USP49: variants seen among roughly 807,000 people sequenced by gnomAD.
The protein encoded by USP49 is ubiquitin specific peptidase 49.
Under a neutral mutation model 58.6 loss-of-function variants are expected in USP49, and 24 were observed. The ratio of observed to expected loss-of-function variants is 0.41; its 90% CI spans 0.30 to 0.58. The LOEUF (loss-of-function observed/expected upper bound fraction) is 0.58, where lower values mean the gene tolerates loss of function less well. USP49 is among the 20% of genes least tolerant of loss of function. The pLI is 0.30. For missense variants in USP49, 703 were observed against 866.1 expected, an observed-to-expected ratio of 0.81 and a Z score of 2.36; for synonymous variants, 408 against 365.1, an observed-to-expected ratio of 1.12 and a Z score of -1.34.
chr6:41,817,471 T>A (rs1423662796), intron 3 of USP49, among the ~76,000 whole-genome samples: 2 of 144,868 alleles, frequency 1.4e-5, no homozygotes, highest in Non-Finnish European at 3.0e-5. Context: ...TTTTTTTTTT[T>A]TTTTTTGAGA....
intron 2 of USP49, among the ~76,000 whole-genome samples, chr6:41,889,101 C>T (rs1044386113): frequency 2.1e-4 from 32 of 151,706 alleles, no homozygotes; most frequent in African/African-American, 6.5e-4. Flanking sequence ...GGCTTGATCT[C>T]GGCTCACTGC....
chr6:41,865,474 A>C (rs1582029432), intron 3 of USP49, among the ~76,000 whole-genome samples: 2 of 152,222 alleles, frequency 1.3e-5, no homozygotes, highest in East Asian at 3.9e-4. Flanking sequence ...AATTTGAAAA[A>C]TCCTAAACCA....
At chr6:41,887,664 G>C (rs953363712) in intron 2 of USP49, among the ~76,000 whole-genome samples, 10 of 152,190 alleles carry the variant, frequency 6.6e-5, no homozygotes, top group Non-Finnish European at 1.5e-4. Context: ...CTTCTGATGT[G>C]CTAACCAACA....
Position 41,803,997 on chromosome 6 carries a change from G to A in USP49, c.1370C>T (p.Ser457Leu). 6.2e-7 allele frequency: 1 copy of A among 1,613,964 alleles called. No individual in the cohort carries two copies. The highest frequency in any genetic ancestry group is 8.5e-7 in the Non-Finnish European group (1 of 1,179,954). ...AATGGTATTGGATTTGTAATTGCATGATATACATGTGACCTAGAATGAAAA... is the reference window on the plus strand; with the variant it reads ...AATGGTATTGGATTTGTAATTGCATAATATACATGTGACCTAGAATGAAAA... Reference protein sequence around the residue: ...GQLLSQVTCISCNYKSNTIEP... With the variant: ...GQLLSQVTCILCNYKSNTIEP... Residue 457 changes from serine (S) to leucine (L), a missense_variant, in exon 5 of 8, where the codon TCA (serine) becomes TTA (leucine). Ser to Leu is a moderately radical substitution (Grantham distance 145, BLOSUM62 -2). Coordinates refer to ENST00000682992, the MANE Select transcript of USP49 (RefSeq NM_001286554.2). This position sits in a 1 kb window ranked among gnomAD's most constrained non-coding sequence, Gnocchi z 4.1.
At chr6:41,858,356 T>C (rs1223082458) in intron 3 of USP49, among the ~76,000 whole-genome samples, 3 of 152,364 alleles carry the variant, frequency 2.0e-5, no homozygotes, top group South Asian at 2.1e-4. Context: ...GTTCATGTTA[T>C]GAGAGCACTG....
chr6:41,796,393 A>G lies in USP49; in HGVS notation c.*140T>C. The G allele has an allele frequency of 1.8e-6, 1 of 558,218 alleles. No individual in the cohort carries two copies. The allele number at this position is 558,218 out of a possible 1,614,324, so 34.6% of individuals were successfully genotyped here. ...GAGACTATAAAATTTACGACAGGACACGAATCACCTGGCACCTTCTACTCT... is the reference window on the plus strand; with the variant it reads ...GAGACTATAAAATTTACGACAGGACGCGAATCACCTGGCACCTTCTACTCT... On this transcript the variant is annotated 3_prime_UTR_variant, in exon 8 of 8. Transcript: ENST00000682992.
Position 41,790,428 on chromosome 6 carries a change from G to A in USP49, c.*6105C>T, listed in dbSNP as rs2127311732. On this transcript the variant is annotated 3_prime_UTR_variant, in exon 8 of 8. Coordinates refer to ENST00000682992, the MANE Select transcript of USP49 (RefSeq NM_001286554.2). ...TTGGAAATGGAGTATGTACGGAACTGGCATGTATAGACTTATATAGCCATA... is the reference window on the plus strand; with the variant it reads ...TTGGAAATGGAGTATGTACGGAACTAGCATGTATAGACTTATATAGCCATA... 6.6e-6 allele frequency: 1 copy of A among 152,264 alleles called. No homozygotes were observed. The allele number at this position is 152,264 out of a possible 1,614,324, so 9.4% of individuals were successfully genotyped here. A position where few individuals can be genotyped will look rare whatever the true frequency, so the allele number is the denominator to read the frequency against.
At chr6:41,848,911 C>A (rs1773971663) in intron 3 of USP49, among the ~76,000 whole-genome samples, 1 of 151,698 alleles carries the variant, frequency 6.6e-6, no homozygotes, top group Non-Finnish European at 1.5e-5. Context: ...GTTGCCCAGG[C>A]TGGTTTCTAA....
chr6:41,812,330 C>T (rs896923743), intron 3 of USP49, among the ~76,000 whole-genome samples: 1 of 151,284 alleles, frequency 6.6e-6, no homozygotes, highest in Non-Finnish European at 1.5e-5. Flanking sequence ...CCGCCTACCT[C>T]GGCCTCCCAA....
rs957458433 is a variant in USP49 at position 41,803,086 on chromosome 6, C to T, written c.1561+720G>A. Among the ~76,000 whole-genome samples, 1 of 152,142 alleles carries T rather than the reference C, an allele frequency of 6.6e-6. No homozygotes were observed. The highest frequency in any genetic ancestry group is 1.5e-5 in the Non-Finnish European group (1 of 68,038). On this transcript the variant is annotated intron_variant, in intron 5 of 7. Coordinates refer to ENST00000682992, the MANE Select transcript of USP49 (RefSeq NM_001286554.2). The surrounding 1 kb of genome is among the most constrained non-coding windows in gnomAD (Gnocchi z 4.1). ...AAAAGCTTGCTTTTCTGATATCGCA[C>T]CCTTCAGAAAGGCTATACCATCTGG...
At chr6:41,800,091 C>G (rs1182320733) in intron 5 of USP49, among the ~76,000 whole-genome samples, 153 bp from the exon 6 acceptor site, 1 of 152,132 alleles carries the variant, frequency 6.6e-6, no homozygotes, top group Non-Finnish European at 1.5e-5. Flanking sequence ...CTCTTTATGA[C>G]TGCATTTCCC....
At chr6:41,871,479 T>A (rs919227711) in intron 3 of USP49, 85 bp downstream of exon 3, 1 of 152,188 alleles carries the variant, frequency 6.6e-6, no homozygotes, top group Non-Finnish European at 1.5e-5. Context: ...ATTACCCTCA[T>A]AGTATGCCAA....
At chr6:41,797,108 C>T (rs772190790) in intron 7 of USP49, among the ~76,000 whole-genome samples, 18 of 152,002 alleles carry the variant, frequency 1.2e-4, no homozygotes, top group Admixed American at 2.0e-4. Context: ...CTACAGGTGC[C>T]CACCACCACG....
chr6:41,895,364 AC>A lies in USP49; in HGVS notation c.-226del, dbSNP rs1465976233. 1.4e-5 allele frequency: 2 copies of A among 143,308 alleles called. No homozygotes were observed. The highest frequency in any genetic ancestry group is 5.2e-5 in the African/African-American group (2 of 38,260). 8.9% of individuals were successfully genotyped at this position (143,308 alleles called of 1,614,324 possible). On this transcript the variant is annotated 5_prime_UTR_variant, in exon 1 of 8. Transcript: ENST00000682992. ...GCGCGAGCTGTCACCAGGGCGCGAG[AC>A]AACCGAACACGGCCCCGCCCCCTGC...
At chr6:41,832,058 A>G (rs147757219) in intron 3 of USP49, among the ~76,000 whole-genome samples, 116 of 151,852 alleles carry the variant, frequency 7.6e-4, no homozygotes, top group Non-Finnish European at 1.3e-3. Flanking sequence ...ACAGTCCTCA[A>G]TTGTTTTATC....
intron 3 of USP49, among the ~76,000 whole-genome samples, chr6:41,842,313 C>T (rs1386295018): frequency 6.6e-6 from 1 of 151,786 alleles, no homozygotes; most frequent in African/African-American, 2.4e-5. Flanking sequence ...GTGGAGGTTG[C>T]AGTGAGCCGA....
intron 3 of USP49, among the ~76,000 whole-genome samples, chr6:41,865,040 T>C (rs1774286116): frequency 6.6e-6 from 1 of 152,052 alleles, no homozygotes; most frequent in Non-Finnish European, 1.5e-5. Flanking sequence ...TTTTTATTTT[T>C]ATTTATTTAT....
rs1164694958 is a variant in USP49 at position 41,791,712 on chromosome 6, T to C, written c.*4821A>G. On this transcript the variant is annotated 3_prime_UTR_variant, in exon 8 of 8. Transcript: ENST00000682992. ...AAAATGAGTGCCTGCCACAATGCTA[T>C]AGTAGCTATGGTGTATTTAGTGCAG... The C allele has an allele frequency of 6.6e-6, 1 of 152,232 alleles. No homozygotes were observed. Among genetic ancestry groups the C allele is most frequent in the Non-Finnish European group, 1.5e-5 (1 of 68,048 alleles). 9.4% of individuals were successfully genotyped at this position (152,232 alleles called of 1,614,324 possible). A position where few individuals can be genotyped will look rare whatever the true frequency, so the allele number is the denominator to read the frequency against.
rs74864252 is a variant in USP49 at position 41,874,700 on chromosome 6, C to G, written c.-102-3063G>C. The stretch of plus-strand genomic sequence containing the variant: ...ATACCAGGCTGGGAGCAGTAGCTTA[C>G]GTCTGTAATCCCAGCACTTTGGGAG... On this transcript the variant is annotated intron_variant, in intron 2 of 7. Coordinates refer to ENST00000682992, the MANE Select transcript of USP49 (RefSeq NM_001286554.2). 1.7e-3 allele frequency among the ~76,000 whole-genome samples: 258 copies of G among 152,308 alleles called. 1 individual carries two copies. Among genetic ancestry groups the G allele is most frequent in the African/African-American group, 5.7e-3 (238 of 41,574 alleles).
Sources: gnomAD v4.1 joint callset for allele counts (sites outside exome capture counted in the v4.1 genomes callset) on GRCh38, gnomAD v4.1.1 for gene constraint, Gnocchi (gnomAD v3.1) non-coding constraint, MANE v1.5 for transcripts, NCBI Gene and HGNC (gene_info 2026-07-23, HGNC 2026-07-21) for gene names.